Variants in EDARADD observed in about 807,000 individuals in gnomAD.
The protein encoded by EDARADD is EDAR associated via death domain.
Under a neutral mutation model 25.6 loss-of-function variants are expected in EDARADD, and 20 were observed. The ratio of observed to expected loss-of-function variants is 0.78; its 90% CI spans 0.55 to 1.14. The LOEUF (loss-of-function observed/expected upper bound fraction) is 1.14. EDARADD is among the 50% of genes most tolerant of loss of function. The pLI, the probability that EDARADD is intolerant of heterozygous loss-of-function variation, is 0.00. For missense variants in EDARADD, 225 were observed against 270.1 expected (o/e 0.83, Z 1.17); for synonymous variants, 86 against 94.4 (o/e 0.91, Z 0.52).
chr1:236,350,650 G>A (rs921548905), intron 2 of EDARADD: 10 of 152,124 alleles, frequency 6.6e-5, no homozygotes, highest in African/African-American at 2.4e-4. Flanking sequence ...AGTATTAGTA[G>A]AAGCTGAGAA....
At chr1:236,464,431 T>TG in intron 4 of EDARADD, among the ~76,000 whole-genome samples, 1 of 95,220 alleles carries the variant, frequency 1.1e-5, no homozygotes, top group Non-Finnish European at 2.4e-5. Context: ...AACTTTTTTT[T>TG]TTTTTTTTTT....
At chr1:236,351,868 A>G (rs1666918626) in intron 3 of EDARADD, among the ~76,000 whole-genome samples, 1 of 152,116 alleles carries the variant, frequency 6.6e-6, no homozygotes, top group African/African-American at 2.4e-5. Context: ...TTTTTTAATC[A>G]AGGGGCTGAA....
At chr1:236,390,698 G>T (rs1363348938), upstream of EDARADD, among the ~76,000 whole-genome samples, 3 of 152,178 alleles carry the variant, frequency 2.0e-5, no homozygotes, top group South Asian at 4.2e-4. Flanking sequence ...AGGATTAAAG[G>T]GTCTCTCCCT....
intron 3 of EDARADD, among the ~76,000 whole-genome samples, chr1:236,369,204 C>G (rs948804004): frequency 2.0e-5 from 3 of 152,198 alleles, no homozygotes; most frequent in Non-Finnish European, 2.9e-5. Flanking sequence ...CCTTCACATA[C>G]ATTTTAACAT....
At chr1:236,463,506 T>C (rs527950099) in intron 4 of EDARADD, among the ~76,000 whole-genome samples, 1 of 152,354 alleles carries the variant, frequency 6.6e-6, no homozygotes, top group East Asian at 1.9e-4. Flanking sequence ...TTAGCCAGGT[T>C]GGTCTCGAAC....
chr1:236,395,404 A>G lies in EDARADD; in HGVS notation c.61+899A>G. 1 of 1,417,254 alleles carries G rather than the reference A, an allele frequency of 7.1e-7. No homozygotes were observed. Among genetic ancestry groups the G allele is most frequent in the Non-Finnish European group, 9.2e-7 (1 of 1,084,336 alleles). 87.8% of individuals were successfully genotyped at this position (1,417,254 alleles called of 1,614,324 possible). A position where few individuals can be genotyped will look rare whatever the true frequency, so the allele number is the denominator to read the frequency against. On this transcript the variant is annotated intron_variant, in intron 1 of 5. Transcript: ENST00000334232. This position sits in a 1 kb window ranked among gnomAD's most constrained non-coding sequence, Gnocchi z 6.9. ...GGAGGTACCGAGGGACGCGCAGCGA[A>G]GGGGCTTTGCTAATTGCCAAAGCAG...
At chr1:236,348,292 C>T (rs1666874513) in intron 1 of EDARADD, 1 of 152,288 alleles carries the variant, frequency 6.6e-6, no homozygotes, top group Non-Finnish European at 1.5e-5. Flanking sequence ...AAGGTAGGGC[C>T]CTACAGACTG....
intron 4 of EDARADD, among the ~76,000 whole-genome samples, chr1:236,453,875 CAAAA>C (rs1390484616): frequency 6.6e-6 from 1 of 152,130 alleles, no homozygotes; most frequent in Non-Finnish European, 1.5e-5. Context: ...ACATGTCTCT[CAAAA>C]ATTTAAGTTC....
intron 5 of EDARADD, among the ~76,000 whole-genome samples, chr1:236,472,631 C>T (rs773192646): frequency 9.9e-5 from 15 of 152,148 alleles, no homozygotes; most frequent in Non-Finnish European, 1.9e-4. Flanking sequence ...TGGGCTCAAG[C>T]AATTCTCCTG....
chr1:236,365,070 T>C (rs1667095681), intron 3 of EDARADD, among the ~76,000 whole-genome samples: 1 of 152,234 alleles, frequency 6.6e-6, no homozygotes, highest in Non-Finnish European at 1.5e-5. Context: ...CCAAGTTTAC[T>C]GAGACTATCA....
chr1:236,479,355 T>C (rs562784295), intron 5 of EDARADD, among the ~76,000 whole-genome samples: 1 of 151,800 alleles, frequency 6.6e-6, no homozygotes, highest in South Asian at 2.1e-4. Context: ...ATTAGCCAGG[T>C]GTGTTGGTGC....
At chr1:236,468,001 C>T (rs977613068) in intron 4 of EDARADD, among the ~76,000 whole-genome samples, 3 of 152,242 alleles carry the variant, frequency 2.0e-5, no homozygotes, top group African/African-American at 7.2e-5. Flanking sequence ...GTTCTGGGCA[C>T]TGGGACAGCA....
At chr1:236,400,518 C>T (rs2103003014) in intron 1 of EDARADD, among the ~76,000 whole-genome samples, 1 of 152,198 alleles carries the variant, frequency 6.6e-6, no homozygotes, top group Admixed American at 6.5e-5. Flanking sequence ...CCCTGCAGCT[C>T]TGAGAGCTTC....
At chr1:236,462,271 G>A (rs754298742) in intron 4 of EDARADD, among the ~76,000 whole-genome samples, 68 of 152,224 alleles carry the variant, frequency 4.5e-4, no homozygotes, top group Non-Finnish European at 7.8e-4. Flanking sequence ...GTCTTTTGGG[G>A]AAAACGGGCC....
At chr1:236,384,736 G>C (rs1426899695) in intron 3 of EDARADD, among the ~76,000 whole-genome samples, 2 of 152,084 alleles carry the variant, frequency 1.3e-5, no homozygotes, top group East Asian at 1.9e-4. Flanking sequence ...TCACTATGCT[G>C]CCAAGGCTGG....
At chr1:236,456,835 C>A (rs949422635) in intron 4 of EDARADD, among the ~76,000 whole-genome samples, 1 of 151,894 alleles carries the variant, frequency 6.6e-6, no homozygotes, top group Non-Finnish European at 1.5e-5. Flanking sequence ...GGCCCTGCAG[C>A]CGTCCTGTGG....
intron 3 of EDARADD, among the ~76,000 whole-genome samples, chr1:236,425,071 A>G (rs112871354): frequency 0.015 from 2,273 of 152,184 alleles, 53 homozygotes; most frequent in African/African-American, 0.052. Flanking sequence ...TCCAGGGAAT[A>G]CCAGTCGGTC....
intron 4 of EDARADD, among the ~76,000 whole-genome samples, chr1:236,442,810 T>C (rs1658435854): frequency 6.6e-6 from 1 of 152,208 alleles, no homozygotes; most frequent in African/African-American, 2.4e-5. Context: ...TACAAGGAAA[T>C]TAATGTTGTT....
chr1:236,378,154 AT>A (rs1667248241), intron 3 of EDARADD, among the ~76,000 whole-genome samples: 1 of 152,048 alleles, frequency 6.6e-6, no homozygotes, highest in African/African-American at 2.4e-5. Flanking sequence ...GGAGTTGGGT[AT>A]TTTCCTTCCT....
Sources: gnomAD v4.1 joint callset for allele counts (sites outside exome capture counted in the v4.1 genomes callset) on GRCh38, gnomAD v4.1.1 for gene constraint, Gnocchi (gnomAD v3.1) non-coding constraint, MANE v1.5 for transcripts, NCBI Gene and HGNC (gene_info 2026-07-23, HGNC 2026-07-21) for gene names.